The following ACYP2 variants were observed in gnomAD, a reference collection of about 807,000 sequenced individuals.
ACYP2 encodes the protein acylphosphatase 2.
Under a neutral mutation model 11.2 loss-of-function variants are expected in ACYP2, and 12 were observed. The observed-to-expected ratio is 1.08, with a 90% CI of 0.69 to 1.74. The LOEUF (loss-of-function observed/expected upper bound fraction) is 1.74, where lower values mean the gene tolerates loss of function less well. Among genes scored for constraint, ACYP2 ranks in the 40% most tolerant of loss-of-function variants. The pLI is 0.00. For synonymous variants in ACYP2, 43 were observed against 32.2 expected (o/e 1.33, Z -1.13); for missense variants, 134 against 101.9 (o/e 1.31, Z -1.35).
chr2:54,143,487 G>A (rs1167836169), intron 6 of ACYP2, among the ~76,000 whole-genome samples: 1 of 152,088 alleles, frequency 6.6e-6, no homozygotes, highest in Non-Finnish European at 1.5e-5. Flanking sequence ...ACGCTGGAGT[G>A]CAATGGTACG....
chr2:54,197,545 G>A (rs574624503), intron 6 of ACYP2, among the ~76,000 whole-genome samples: 5 of 152,338 alleles, frequency 3.3e-5, no homozygotes, highest in African/African-American at 1.2e-4. Context: ...CAGAACGAAG[G>A]TTGTGTGACA....
intron 6 of ACYP2, among the ~76,000 whole-genome samples, chr2:54,150,051 T>C (rs1026871994): frequency 6.6e-5 from 10 of 152,214 alleles, no homozygotes; most frequent in Non-Finnish European, 1.0e-4. Context: ...GTAAAGTCAT[T>C]AAATGTATAT....
intron 2 of ACYP2, among the ~76,000 whole-genome samples, chr2:54,032,934 G>A (rs1471183953): frequency 6.6e-6 from 1 of 152,122 alleles, no homozygotes; most frequent in Non-Finnish European, 1.5e-5. Flanking sequence ...TGAATGAGAA[G>A]GAGTTAGTCA....
chr2:53,984,703 C>T (rs899824769), intron 2 of ACYP2, among the ~76,000 whole-genome samples: 9 of 151,400 alleles, frequency 5.9e-5, no homozygotes, highest in Non-Finnish European at 1.0e-4. Context: ...AGGTTTATTG[C>T]AGGTACACAG....
chr2:54,084,190 G>T (rs891952918), intron 4 of ACYP2, among the ~76,000 whole-genome samples: 3 of 152,164 alleles, frequency 2.0e-5, no homozygotes, highest in Non-Finnish European at 2.9e-5. Context: ...TAGAATAATG[G>T]TTTATATATC....
intron 4 of ACYP2, among the ~76,000 whole-genome samples, chr2:54,076,508 C>T (rs1254134924): frequency 6.6e-6 from 1 of 151,952 alleles, no homozygotes; most frequent in Non-Finnish European, 1.5e-5. Context: ...AAATAATCTA[C>T]CCAGACAATA....
intron 4 of ACYP2, chr2:54,065,560 C>G (rs1439412911): frequency 2.5e-6 from 1 of 398,522 alleles, no homozygotes; most frequent in East Asian, 3.6e-5. Flanking sequence ...GTATTCAGAG[C>G]TGAGGCTTCA....
At chr2:54,006,639 C>T (rs973256892) in intron 2 of ACYP2, among the ~76,000 whole-genome samples, 2 of 152,054 alleles carry the variant, frequency 1.3e-5, no homozygotes, top group Non-Finnish European at 2.9e-5. Context: ...TATTTATTTA[C>T]TTTTTGTTTT....
chr2:53,978,592 G>A (rs1241324743), intron 2 of ACYP2, among the ~76,000 whole-genome samples: 1 of 152,138 alleles, frequency 6.6e-6, no homozygotes, highest in Non-Finnish European at 1.5e-5. Context: ...GTTTGTATAA[G>A]AGTATAGCAC....
chr2:54,285,183 T>C (rs1048986902), intron 6 of ACYP2, among the ~76,000 whole-genome samples: 9 of 152,186 alleles, frequency 5.9e-5, no homozygotes, highest in African/African-American at 1.4e-4. Flanking sequence ...GGAATCCTCA[T>C]GAGCTAATCA....
Position 54,278,746 on chromosome 2 carries a change from A to C in ACYP2, c.405-25942A>C, listed in dbSNP as rs551179708. On this transcript the variant is annotated intron_variant, in intron 6 of 6. Coordinates refer to ENST00000607452, the MANE Select transcript of ACYP2 (RefSeq NM_001320586.2). Reference sequence around the variant, plus strand: ...TGGCTTATTTAAAAGTTTCATAATGAAACATACCTATTTACCTATAGGTTT... The same window carrying C: ...TGGCTTATTTAAAAGTTTCATAATGCAACATACCTATTTACCTATAGGTTT... Among the ~76,000 whole-genome samples, 7 of 152,370 alleles carry C rather than the reference A, an allele frequency of 4.6e-5. 1 individual carries two copies. In the East Asian group the frequency reaches 1.3e-3, roughly 29 times the overall value.
chr2:54,086,136 G>C (rs898816580), intron 4 of ACYP2, among the ~76,000 whole-genome samples: 1 of 152,024 alleles, frequency 6.6e-6, no homozygotes, highest in Non-Finnish European at 1.5e-5. Context: ...GTACAGACAG[G>C]GTTTCACCAT....
chr2:54,116,720 C>T (rs1370293018), intron 4 of ACYP2, among the ~76,000 whole-genome samples: 3 of 152,178 alleles, frequency 2.0e-5, no homozygotes, highest in Admixed American at 6.5e-5. Flanking sequence ...GGGTGCGACT[C>T]GCGGATGAAG....
chr2:54,249,367 G>A (rs1321985099), intron 6 of ACYP2, among the ~76,000 whole-genome samples: 2 of 151,602 alleles, frequency 1.3e-5, no homozygotes, highest in African/African-American at 4.8e-5. Flanking sequence ...CTACCTCGGT[G>A]GAGCTTGCAG....
rs538471849 is a variant in ACYP2, at chr2:54,084,946, T to C, written c.277+27586T>C. ...GTTATCTTTTTATTAGATGTGATGA[T>C]GGTAATGTGATAATGTAGGTGAATG... On this transcript the variant is annotated intron_variant, in intron 4 of 6. Coordinates refer to ENST00000607452, the MANE Select transcript of ACYP2 (RefSeq NM_001320586.2). The C allele has an allele frequency of 9.8e-5, 15 of 152,286 alleles. No individual in the cohort carries two copies. The East Asian group carries it at 2.7e-3, about 27-fold the overall frequency. 9.4% of individuals were successfully genotyped at this position (152,286 alleles called of 1,614,324 possible). A position where few individuals can be genotyped will look rare whatever the true frequency, so the allele number is the denominator to read the frequency against.
chr2:54,240,118 T>A (rs1399673343), intron 6 of ACYP2, among the ~76,000 whole-genome samples: 2 of 152,154 alleles, frequency 1.3e-5, no homozygotes, highest in African/African-American at 4.8e-5. Context: ...ACCAAGTAGA[T>A]GTTTGAGAAA....
At chr2:54,098,315 CTGAT>C (rs1488866967) in intron 4 of ACYP2, among the ~76,000 whole-genome samples, 1 of 152,070 alleles carries the variant, frequency 6.6e-6, no homozygotes, top group Non-Finnish European at 1.5e-5. Flanking sequence ...TTAAATTTTT[CTGAT>C]TGTCTCAAAG....
At chr2:54,110,504 T>C (rs1188748939) in intron 4 of ACYP2, among the ~76,000 whole-genome samples, 1 of 152,196 alleles carries the variant, frequency 6.6e-6, no homozygotes, top group Non-Finnish European at 1.5e-5. Flanking sequence ...ATGTATTGAA[T>C]TCTGTTGATT....
intron 6 of ACYP2, among the ~76,000 whole-genome samples, chr2:54,155,903 T>C (rs1682410848): frequency 6.6e-6 from 1 of 152,250 alleles, no homozygotes; most frequent in African/African-American, 2.4e-5. Flanking sequence ...CCTAGTTTCA[T>C]AGCATTATTA....
Sources: allele counts gnomAD v4.1 joint callset (sites outside exome capture counted in the v4.1 genomes callset), GRCh38; gene constraint gnomAD v4.1.1; transcripts MANE v1.5; gene names NCBI Gene and HGNC (gene_info 2026-07-23, HGNC 2026-07-21).